The following PLEKHA5 variants were observed in gnomAD, a reference collection of about 807,000 sequenced individuals.
PLEKHA5 encodes pleckstrin homology domain-containing family A member 5.
Under a neutral mutation model 181.9 loss-of-function variants are expected in PLEKHA5, and 55 were observed. The observed-to-expected ratio is 0.30, with a 90% CI of 0.24 to 0.38. PLEKHA5 has a LOEUF of 0.38. Among genes scored for constraint, PLEKHA5 ranks in the 10% least tolerant of loss-of-function variants. The pLI is 1.00. For synonymous variants in PLEKHA5, 535 were observed against 529.4 expected (o/e 1.01, Z -0.15); for missense variants, 1,432 against 1,549.5 (o/e 0.92, Z 1.27).
chr12:19,203,690 A>G (rs2054712894), intron 3 of PLEKHA5, among the ~76,000 whole-genome samples: 1 of 152,126 alleles, frequency 6.6e-6, no homozygotes. Context: ...TACTTAGATT[A>G]GTTATATGTA....
chr12:19,240,712 T>C (rs563305342), intron 3 of PLEKHA5, among the ~76,000 whole-genome samples: 3 of 152,020 alleles, frequency 2.0e-5, no homozygotes, highest in African/African-American at 7.2e-5. Flanking sequence ...CCTAAAGCAG[T>C]CCTCTCACTT....
At chr12:19,167,108 G>A (rs1431495727) in intron 3 of PLEKHA5, among the ~76,000 whole-genome samples, 2 of 152,184 alleles carry the variant, frequency 1.3e-5, no homozygotes, top group East Asian at 3.9e-4. Context: ...GTTAAGGATT[G>A]TTTCCCTTTT....
chr12:19,306,816 A>C lies in PLEKHA5; in HGVS notation c.2038-7998A>C, dbSNP rs1338316213. The C allele has an allele frequency of 6.1e-6, 5 of 818,976 alleles. 1 individual carries two copies. The African/African-American group carries it at 6.7e-5, about 11-fold the overall frequency. 50.7% of individuals were successfully genotyped at this position (818,976 alleles called of 1,614,324 possible). A position where few individuals can be genotyped will look rare whatever the true frequency, so the allele number is the denominator to read the frequency against. Reference sequence around the variant, plus strand: ...CTCAGCAGTTGTCGCACCATGTCTGACAAACACTGTATTCCTTGACAGAGC... The same window carrying C: ...CTCAGCAGTTGTCGCACCATGTCTGCCAAACACTGTATTCCTTGACAGAGC... On this transcript the variant is annotated intron_variant, in intron 15 of 31. Transcript: ENST00000429027.
intron 3 of PLEKHA5, among the ~76,000 whole-genome samples, chr12:19,148,449 C>T (rs995819252): frequency 1.3e-5 from 2 of 152,228 alleles, no homozygotes; most frequent in African/African-American, 4.8e-5. Flanking sequence ...CAGGCAGAGC[C>T]CCTGACCAGT....
chr12:19,142,559 A>G (rs989507766), intron 3 of PLEKHA5, among the ~76,000 whole-genome samples: 1 of 152,186 alleles, frequency 6.6e-6, no homozygotes, highest in Non-Finnish European at 1.5e-5. Context: ...TGAAAAATCA[A>G]TTCTGTTCTA....
chr12:19,287,648 A>G, intron 13 of PLEKHA5, 92 bp downstream of exon 13: 1 of 746,398 alleles, frequency 1.3e-6, no homozygotes, highest in Non-Finnish European at 2.3e-6. Context: ...TTGAATTTTC[A>G]GAGGTTCTCC....
intron 3 of PLEKHA5, among the ~76,000 whole-genome samples, chr12:19,212,556 C>CTAA (rs2057130759): frequency 6.6e-6 from 1 of 151,808 alleles, no homozygotes; most frequent in Admixed American, 6.6e-5. Context: ...TGGCGGGTGC[C>CTAA]TGTAATCCCA....
At chr12:19,357,118 A>G (rs1302465193) in intron 26 of PLEKHA5, among the ~76,000 whole-genome samples, 2 of 152,130 alleles carry the variant, frequency 1.3e-5, no homozygotes, top group South Asian at 2.1e-4. Context: ...AATCTCTAAT[A>G]TTTAGACACT....
At chr12:19,211,421 T>A (rs1378115638) in intron 3 of PLEKHA5, among the ~76,000 whole-genome samples, 11 of 151,994 alleles carry the variant, frequency 7.2e-5, no homozygotes, top group Non-Finnish European at 1.6e-4. Flanking sequence ...GAGGGAAATT[T>A]CAGAGAGCAG....
intron 22 of PLEKHA5, among the ~76,000 whole-genome samples, chr12:19,345,531 A>T (rs2094271376): frequency 6.6e-6 from 1 of 152,134 alleles, no homozygotes; most frequent in South Asian, 2.1e-4. Context: ...TGGGAGGCCG[A>T]GGCAGGTGGA....
intron 26 of PLEKHA5, among the ~76,000 whole-genome samples, chr12:19,357,806 A>G (rs574908014): frequency 1.3e-5 from 2 of 151,524 alleles, no homozygotes; most frequent in African/African-American, 4.8e-5. Flanking sequence ...TGCCTGGCTA[A>G]TTTTTGTATT....
chr12:19,247,964 G>T (rs191833513), intron 3 of PLEKHA5, among the ~76,000 whole-genome samples: 2 of 151,554 alleles, frequency 1.3e-5, no homozygotes, highest in Admixed American at 1.3e-4. Context: ...ACAAGGTCTT[G>T]CTCTGCTGCC....
chr12:19,355,448 C>T (rs1485977588), intron 26 of PLEKHA5, among the ~76,000 whole-genome samples: 1 of 148,362 alleles, frequency 6.7e-6, no homozygotes, highest in Non-Finnish European at 1.5e-5. Context: ...AACTCGTGGA[C>T]TCAAGGGATC....
intron 15 of PLEKHA5, among the ~76,000 whole-genome samples, chr12:19,298,735 T>A (rs969834323): frequency 6.6e-5 from 10 of 151,856 alleles, no homozygotes; most frequent in African/African-American, 2.2e-4. Flanking sequence ...TAAAATAATT[T>A]AAAAAAAATG....
intron 3 of PLEKHA5, among the ~76,000 whole-genome samples, chr12:19,213,138 G>A (rs998384396): frequency 6.6e-6 from 1 of 152,132 alleles, no homozygotes; most frequent in African/African-American, 2.4e-5. Context: ...CTTTGGAGCA[G>A]GTGCTGCGTA....
chr12:19,170,286 C>T (rs1466154550), intron 3 of PLEKHA5, among the ~76,000 whole-genome samples: 1 of 152,016 alleles, frequency 6.6e-6, no homozygotes, highest in Non-Finnish European at 1.5e-5. Flanking sequence ...AGTTAAAAAA[C>T]CTTGTACAAT....
chr12:19,350,862 T>C (rs780734619), intron 25 of PLEKHA5, among the ~76,000 whole-genome samples: 1 of 152,192 alleles, frequency 6.6e-6, no homozygotes, highest in Non-Finnish European at 1.5e-5. Context: ...TTATCTAATG[T>C]CGTTTTTTAA....
intron 3 of PLEKHA5, among the ~76,000 whole-genome samples, chr12:19,240,449 T>G (rs2062312286): frequency 6.6e-6 from 1 of 150,696 alleles, no homozygotes; most frequent in Admixed American, 6.6e-5. Context: ...AGTTTTTTTT[T>G]TTTTTTTTTT....
At chr12:19,226,202 T>G (rs1156572754) in intron 3 of PLEKHA5, among the ~76,000 whole-genome samples, 2 of 152,204 alleles carry the variant, frequency 1.3e-5, no homozygotes, top group East Asian at 3.8e-4. Flanking sequence ...ATATGTGATC[T>G]TTTGTGTCTA....
Sources: gnomAD v4.1 joint callset for allele counts (sites outside exome capture counted in the v4.1 genomes callset) on GRCh38, gnomAD v4.1.1 for gene constraint, MANE v1.5 for transcripts, NCBI Gene and HGNC (gene_info 2026-07-23, HGNC 2026-07-21) for gene names.